Variants in RGS7 observed in about 807,000 individuals in gnomAD.
The protein encoded by RGS7 is regulator of G-protein signaling 7.
In RGS7, 27 loss-of-function variants were observed where a neutral mutation model predicts 81.1. That is an observed-to-expected ratio of 0.33 (90% confidence interval 0.25 to 0.46). RGS7 has a LOEUF of 0.46. RGS7 is among the 20% of genes least tolerant of loss of function. RGS7 has a pLI of 1.00. For missense variants in RGS7, 396 were observed against 607.4 expected (o/e 0.65, Z 3.66); for synonymous variants, 208 against 207.7 (o/e 1.00, Z -0.01).
chr1:241,156,027 C>T (rs1442030663), intron 2 of RGS7, among the ~76,000 whole-genome samples: 1 of 151,848 alleles, frequency 6.6e-6, no homozygotes, highest in African/African-American at 2.4e-5. Flanking sequence ...ATGTCAAGTG[C>T]TAGGCACTGT....
At chr1:241,100,248 G>A (rs1016849079) in intron 2 of RGS7, among the ~76,000 whole-genome samples, 35 of 151,970 alleles carry the variant, frequency 2.3e-4, no homozygotes, top group African/African-American at 8.0e-4. Flanking sequence ...GGTGGCAGGC[G>A]CCTGTAGTCC....
At chr1:240,969,947 C>T (rs777515940) in intron 4 of RGS7, among the ~76,000 whole-genome samples, 4 of 152,196 alleles carry the variant, frequency 2.6e-5, no homozygotes, top group Non-Finnish European at 5.9e-5. Context: ...TGATCTGAGA[C>T]TTACATTTTT....
intron 3 of RGS7, among the ~76,000 whole-genome samples, chr1:241,023,319 C>A (rs1425844011): frequency 3.3e-5 from 5 of 152,152 alleles, no homozygotes; most frequent in Non-Finnish European, 7.4e-5. Flanking sequence ...TGTACATTTT[C>A]TCTCTGCTCC....
intron 2 of RGS7, among the ~76,000 whole-genome samples, chr1:241,314,478 G>C (rs1014987921): frequency 3.9e-5 from 6 of 152,202 alleles, no homozygotes; most frequent in African/African-American, 1.2e-4. Flanking sequence ...ACACTTATTA[G>C]ACTACAGTGT....
intron 10 of RGS7, among the ~76,000 whole-genome samples, chr1:240,820,502 G>A (rs540307100): frequency 6.6e-6 from 1 of 152,002 alleles, no homozygotes; most frequent in Non-Finnish European, 1.5e-5. Context: ...TGGTCTGAAT[G>A]TTTGTGTCTC....
chr1:241,026,676 C>T (rs1435630413), intron 3 of RGS7, among the ~76,000 whole-genome samples: 1 of 152,026 alleles, frequency 6.6e-6, no homozygotes, highest in Non-Finnish European at 1.5e-5. Context: ...CAGGAAGGGC[C>T]ATGCTCTGGG....
intron 2 of RGS7, among the ~76,000 whole-genome samples, chr1:241,174,895 G>GTTTTTTTTTTTTTTTTTTTT (rs551122102): frequency 4.3e-5 from 3 of 69,230 alleles, no homozygotes; most frequent in Non-Finnish European, 7.4e-5. Context: ...ACAGAATTTT[G>GTTTTTTTTTTTTTTTTTTTT]TTTTTTTTTT....
At chr1:241,170,262 A>G (rs747276042) in intron 2 of RGS7, among the ~76,000 whole-genome samples, 2 of 152,196 alleles carry the variant, frequency 1.3e-5, no homozygotes, top group Non-Finnish European at 2.9e-5. Flanking sequence ...GAAATAACAG[A>G]TAAACTTAAT....
chr1:241,034,722 G>A (rs532038413), intron 3 of RGS7, among the ~76,000 whole-genome samples: 1 of 152,280 alleles, frequency 6.6e-6, no homozygotes, highest in South Asian at 2.1e-4. Context: ...ATGCATGGAG[G>A]GGCAAAAGAG....
intron 18 of RGS7, among the ~76,000 whole-genome samples, chr1:240,787,468 T>C (rs756504283): frequency 3.3e-5 from 5 of 152,180 alleles, no homozygotes; most frequent in Admixed American, 1.3e-4. Context: ...ATCTCTGTGA[T>C]TGAAAAAGAG....
intron 3 of RGS7, among the ~76,000 whole-genome samples, chr1:241,013,215 A>AC (rs1229153618): frequency 6.6e-6 from 1 of 151,880 alleles, no homozygotes; most frequent in Non-Finnish European, 1.5e-5. Context: ...GGTGTGCACC[A>AC]CCATGCTCAA....
At chr1:241,192,067 T>C (rs1007004212) in intron 2 of RGS7, among the ~76,000 whole-genome samples, 1 of 152,170 alleles carries the variant, frequency 6.6e-6, no homozygotes, top group Non-Finnish European at 1.5e-5. Flanking sequence ...AACTTCTTTC[T>C]GTGGTGTTTG....
At chr1:241,089,063 C>CTCTCTCTCTATATATATATATA (rs1374552672) in intron 3 of RGS7, among the ~76,000 whole-genome samples, 2 of 23,684 alleles carry the variant, frequency 8.4e-5, no homozygotes, top group Non-Finnish European at 7.4e-5. Flanking sequence ...CTCTCTCTCT[C>CTCTCTCTCTATATATATATATA]TATATATATA....
At chr1:240,822,799 G>T (rs1226900637) in intron 10 of RGS7, among the ~76,000 whole-genome samples, 1 of 151,922 alleles carries the variant, frequency 6.6e-6, no homozygotes. Context: ...GCTATGATAC[G>T]ATGGCCTTAA....
chr1:241,150,933 A>G (rs768164578), intron 2 of RGS7, among the ~76,000 whole-genome samples: 1 of 152,162 alleles, frequency 6.6e-6, no homozygotes, highest in Non-Finnish European at 1.5e-5. Context: ...CTGGAGTCCA[A>G]AGGCGGGAAA....
At chr1:240,836,319 T>C (rs1184915925) in intron 9 of RGS7, among the ~76,000 whole-genome samples, 2 of 152,032 alleles carry the variant, frequency 1.3e-5, no homozygotes, top group African/African-American at 4.8e-5. Flanking sequence ...TGAGAGTGGA[T>C]TATCAGGGTG....
intron 3 of RGS7, among the ~76,000 whole-genome samples, chr1:241,020,790 A>G (rs1268146007): frequency 6.6e-6 from 1 of 152,228 alleles, no homozygotes; most frequent in South Asian, 2.1e-4. Flanking sequence ...TCTTTGTCCA[A>G]TAGAATAGAT....
At chr1:241,253,712 G>A (rs1305891349) in intron 2 of RGS7, among the ~76,000 whole-genome samples, 2 of 152,158 alleles carry the variant, frequency 1.3e-5, no homozygotes, top group Non-Finnish European at 2.9e-5. Context: ...GCATGGGCTT[G>A]AGAACAATGT....
intron 2 of RGS7, among the ~76,000 whole-genome samples, chr1:241,276,206 GA>G (rs967793288): frequency 6.6e-5 from 10 of 152,192 alleles, no homozygotes; most frequent in Non-Finnish European, 1.3e-4. Context: ...CAGACTTTAG[GA>G]GATCAGCTCA....
Sources: allele counts gnomAD v4.1 joint callset (sites outside exome capture counted in the v4.1 genomes callset), GRCh38; gene constraint gnomAD v4.1.1; transcripts MANE v1.5; gene names NCBI Gene and HGNC (gene_info 2026-07-23, HGNC 2026-07-21).